The following SPMAP2 variants were observed in gnomAD, a reference collection of about 807,000 sequenced individuals.
SPMAP2 encodes sperm microtubule associated protein 2, also known as Theg homolog.
the SPMAP2 span, among the ~76,000 whole-genome samples, chr19:362,765 T>TAAAAAAA: frequency 1.7e-4 from 10 of 57,484 alleles, no homozygotes; most frequent in African/African-American, 6.1e-4. Flanking sequence ...GACTCCATCT[T>TAAAAAAA]AAAAAAAAAA....
chr19:364,663 C>CG, the SPMAP2 span, among the ~76,000 whole-genome samples: 14 of 152,076 alleles, frequency 9.2e-5, no homozygotes, highest in Non-Finnish European at 2.1e-4. Context: ...GTAAGTGGGT[C>CG]GGGGCAGGAG....
At chr19:363,810 C>T in the SPMAP2 span, among the ~76,000 whole-genome samples, 1 of 151,872 alleles carries the variant, frequency 6.6e-6, no homozygotes, top group African/African-American at 2.4e-5. Context: ...ACTGGGATTA[C>T]AGGTGTGGGC....
chr19:370,240 A>G, the SPMAP2 span, among the ~76,000 whole-genome samples: 1 of 152,242 alleles, frequency 6.6e-6, no homozygotes, highest in African/African-American at 2.4e-5. Flanking sequence ...CAGTTTTTTA[A>G]AAGTTACATA....
the SPMAP2 span, chr19:374,340 C>T: frequency 1.9e-6 from 3 of 1,614,046 alleles, no homozygotes; most frequent in Non-Finnish European, 2.5e-6. Context: ...GCTCTGCCAG[C>T]TCCATGAGCC....
chr19:373,290 C>A, the SPMAP2 span, among the ~76,000 whole-genome samples: 3 of 152,218 alleles, frequency 2.0e-5, no homozygotes, highest in Admixed American at 2.0e-4. Flanking sequence ...GTTCCCCATG[C>A]CCCTCACCCC....
At chr19:364,556 C>T in the SPMAP2 span, among the ~76,000 whole-genome samples, 1 of 151,754 alleles carries the variant, frequency 6.6e-6, no homozygotes, top group Non-Finnish European at 1.5e-5. Context: ...AAGGGGGACT[C>T]AGGGGGCCAC....
the SPMAP2 span, chr19:374,112 C>G: frequency 6.8e-7 from 1 of 1,464,546 alleles, no homozygotes; most frequent in Non-Finnish European, 9.4e-7. Flanking sequence ...AGAGGGCCAC[C>G]GTTCCCTAGC....
At chr19:368,315 C>T in the SPMAP2 span, among the ~76,000 whole-genome samples, 6 of 152,176 alleles carry the variant, frequency 3.9e-5, no homozygotes, top group East Asian at 5.8e-4. This position sits in a 1 kb window ranked among gnomAD's most constrained non-coding sequence, Gnocchi z 4.1. Context: ...TCCCTCCTCT[C>T]GCCTCATACG....
chr19:373,437 G>A, the SPMAP2 span: 1 of 1,609,814 alleles, frequency 6.2e-7, no homozygotes, highest in Non-Finnish European at 8.5e-7. Context: ...GCAGCCGGGG[G>A]CAGGGGTCTC....
the SPMAP2 span, chr19:373,471 G>A: frequency 2.5e-5 from 40 of 1,613,100 alleles, no homozygotes; most frequent in Admixed American, 1.3e-4. Context: ...TCCACCTACC[G>A]GGCACTGTGA....
chr19:368,194 T>C, the SPMAP2 span, among the ~76,000 whole-genome samples: 1 of 152,094 alleles, frequency 6.6e-6, no homozygotes, highest in African/African-American at 2.4e-5. The surrounding 1 kb of genome is among the most constrained non-coding windows in gnomAD (Gnocchi z 4.1). Flanking sequence ...TTCTTGGCAT[T>C]TTCCAGAAAA....
At chr19:372,518 C>T in the SPMAP2 span, 2 of 1,054,660 alleles carry the variant, frequency 1.9e-6, no homozygotes, top group South Asian at 1.4e-5. Context: ...TGAACACCAG[C>T]TGTCTAGGGC....
the SPMAP2 span, among the ~76,000 whole-genome samples, chr19:375,461 C>A: frequency 1.3e-5 from 2 of 152,182 alleles, no homozygotes; most frequent in Non-Finnish European, 2.9e-5. Context: ...TGCCTCAGGG[C>A]CCAGTGAGGG....
chr19:372,550 C>T, the SPMAP2 span: 28 of 1,449,202 alleles, frequency 1.9e-5, no homozygotes, highest in East Asian at 1.6e-4. Flanking sequence ...CCCTTTCCCA[C>T]ACAGCATCCT....
chr19:363,761 C>T, the SPMAP2 span, among the ~76,000 whole-genome samples: 1 of 151,900 alleles, frequency 6.6e-6, no homozygotes, highest in African/African-American at 2.4e-5. Context: ...TCTCGAACTC[C>T]TGACTTCAGG....
chr19:364,177 CAA>C, the SPMAP2 span, among the ~76,000 whole-genome samples: 1 of 145,340 alleles, frequency 6.9e-6, no homozygotes, highest in African/African-American at 2.5e-5. Context: ...ACTAAAAATA[CAA>C]AAAAAAAATT....
chr19:374,138 G>A, the SPMAP2 span: 16 of 1,454,330 alleles, frequency 1.1e-5, no homozygotes, highest in South Asian at 1.7e-4. Context: ...CCAGTGTCTG[G>A]CCACCTCCTT....
chr19:367,870 T>G, the SPMAP2 span, among the ~76,000 whole-genome samples: 1 of 152,122 alleles, frequency 6.6e-6, no homozygotes, highest in African/African-American at 2.4e-5. Context: ...TAGACCATTT[T>G]TTTTCTCCAT....
chr19:362,734 C>G, the SPMAP2 span, among the ~76,000 whole-genome samples: 1 of 144,958 alleles, frequency 6.9e-6, no homozygotes, highest in South Asian at 2.2e-4. Flanking sequence ...TCACTGCACT[C>G]CAGCCTGGGC....
Sources: allele counts gnomAD v4.1 joint callset (sites outside exome capture counted in the v4.1 genomes callset), GRCh38; gene constraint gnomAD v4.1.1; non-coding constraint Gnocchi (gnomAD v3.1); transcripts MANE v1.5; gene names NCBI Gene and HGNC (gene_info 2026-07-23, HGNC 2026-07-21).